The following CYP27C1 variants were observed in gnomAD, a reference collection of about 807,000 sequenced individuals.
CYP27C1 encodes cytochrome P450 27C1.
CYP27C1 carries 29 observed loss-of-function variants against 40.6 expected under a neutral mutation model. The ratio of observed to expected loss-of-function variants is 0.71; its 90% CI spans 0.53 to 0.97. The LOEUF is 0.97. Ranked by LOEUF, CYP27C1 falls within the 50% of genes least tolerant of loss-of-function variation. The pLI, the probability that CYP27C1 is intolerant of heterozygous loss-of-function variation, is 0.00. For synonymous variants in CYP27C1, 198 were observed against 186.8 expected (o/e 1.06, Z -0.49); for missense variants, 390 against 485.8 (o/e 0.80, Z 1.85).
intron 8 of CYP27C1, among the ~76,000 whole-genome samples, chr2:127,192,721 G>A (rs1210792508): frequency 3.7e-5 from 2 of 54,286 alleles, no homozygotes; most frequent in Non-Finnish European, 7.8e-5. Context: ...ACAGGGCCTC[G>A]CTTAGACCTC....
rs976015950 is a variant in CYP27C1, at chr2:127,209,804, C to T, written c.283-3714G>A. 2.6e-5 allele frequency among the ~76,000 whole-genome samples: 4 copies of T among 151,820 alleles called. No homozygotes were observed. Among genetic ancestry groups the T allele is most frequent in the Non-Finnish European group, 5.9e-5 (4 of 67,972 alleles). On this transcript the variant is annotated intron_variant, in intron 1 of 8. Transcript: ENST00000664447. This position sits in a 1 kb window ranked among gnomAD's most constrained non-coding sequence, Gnocchi z 4.1. ...ACCTTACTGAAATAAGACATGCAGA[C>T]AAGAATAGAGAAAAAAGAATGAAAA...
intron 6 of CYP27C1, among the ~76,000 whole-genome samples, chr2:127,194,256 T>G (rs1475469126): frequency 2.0e-5 from 3 of 152,208 alleles, no homozygotes; most frequent in African/African-American, 7.2e-5. Context: ...ACTTCGGCGA[T>G]CGGATTATCT....
rs1682615871 is a variant in CYP27C1, at chr2:127,185,988, T to C, written c.*1283A>G. 6.6e-6 allele frequency: 1 copy of C among 152,224 alleles called. No individual in the cohort carries two copies. The allele number at this position is 152,224 out of a possible 1,614,324, so 9.4% of individuals were successfully genotyped here. On this transcript the variant is annotated 3_prime_UTR_variant, in exon 9 of 9. Coordinates refer to ENST00000664447, the MANE Select transcript of CYP27C1 (RefSeq NM_001367502.1). This position sits in a 1 kb window ranked among gnomAD's most constrained non-coding sequence, Gnocchi z 4.9. ...ACACAACTGGGTGAGGGTTCTTGTG[T>C]GGATATTTAAAACAACACCATCAAG...
intron 8 of CYP27C1, among the ~76,000 whole-genome samples, chr2:127,189,305 C>T (rs1431495495): frequency 6.6e-6 from 1 of 151,946 alleles, no homozygotes; most frequent in East Asian, 1.9e-4. Flanking sequence ...TGAAAGCTGT[C>T]CCTTTCCTTC....
At chr2:127,202,743 GTT>G (rs558081094) in intron 3 of CYP27C1, among the ~76,000 whole-genome samples, 1 of 144,434 alleles carries the variant, frequency 6.9e-6, no homozygotes, top group African/African-American at 2.5e-5. Context: ...CAAACAAAAT[GTT>G]TTTTTTTTTT....
intron 5 of CYP27C1, 85 bp downstream of exon 5, chr2:127,199,291 C>T (rs1682974886): frequency 5.2e-6 from 8 of 1,535,822 alleles, no homozygotes; most frequent in Non-Finnish European, 5.3e-6. Flanking sequence ...CATCCTCCCG[C>T]TCCAAAAAAG....
At position 127,209,940 on chromosome 2, in the gene CYP27C1, C is replaced by T. The variant is rs1307309686; in HGVS notation, c.283-3850G>A. Among the ~76,000 whole-genome samples the T allele has an allele frequency of 2.6e-5, 4 of 152,212 alleles. No individual in the cohort carries two copies. The highest frequency in any genetic ancestry group is 9.7e-5 in the African/African-American group (4 of 41,440). On this transcript the variant is annotated intron_variant, in intron 1 of 8. Transcript: ENST00000664447. The surrounding 1 kb of genome is among the most constrained non-coding windows in gnomAD (Gnocchi z 4.1). Reference sequence around the variant, plus strand: ...GAATGGAAACAAGCTGGAAAACACACTTCATGATATTATCAAGGAGAACTT... The same window carrying T: ...GAATGGAAACAAGCTGGAAAACACATTTCATGATATTATCAAGGAGAACTT...
rs1454704753 is a variant in CYP27C1, at chr2:127,187,178, C to T, written c.*93G>A. On this transcript the variant is annotated 3_prime_UTR_variant, in exon 9 of 9. Coordinates refer to ENST00000664447, the MANE Select transcript of CYP27C1 (RefSeq NM_001367502.1). Reference sequence around the variant, plus strand: ...ATAACAAGACAGCCTTTAGCGACATCGCTTTCCTTCTCCACGGTGATCAGC... The same window carrying T: ...ATAACAAGACAGCCTTTAGCGACATTGCTTTCCTTCTCCACGGTGATCAGC... 1.2e-5 allele frequency: 12 copies of T among 1,033,182 alleles called. No homozygotes were observed. Among genetic ancestry groups the T allele is most frequent in the Admixed American group, 1.9e-5 (1 of 51,592 alleles). 64.0% of individuals were successfully genotyped at this position (1,033,182 alleles called of 1,614,324 possible). A position where few individuals can be genotyped will look rare whatever the true frequency, so the allele number is the denominator to read the frequency against.
intron 1 of CYP27C1, among the ~76,000 whole-genome samples, chr2:127,213,394 C>CA (rs1683370418): frequency 6.6e-6 from 1 of 152,066 alleles, no homozygotes; most frequent in East Asian, 1.9e-4. Context: ...CTGGAAGCAT[C>CA]ACGATACCTG....
intron 8 of CYP27C1, among the ~76,000 whole-genome samples, chr2:127,189,797 T>G (rs1347749945): frequency 6.6e-6 from 1 of 152,236 alleles, no homozygotes; most frequent in African/African-American, 2.4e-5. Flanking sequence ...CTTGCATTCC[T>G]GAATACACCT....
intron 1 of CYP27C1, among the ~76,000 whole-genome samples, chr2:127,215,488 C>T (rs1169403788): frequency 6.6e-6 from 1 of 151,894 alleles, no homozygotes; most frequent in Non-Finnish European, 1.5e-5. Context: ...AGATATGATC[C>T]CTAAAGTGCA....
In CYP27C1 at chr2:127,218,073, C is replaced by G. The variant is rs1683468482; in HGVS notation, c.282+1916G>C. On this transcript the variant is annotated intron_variant, in intron 1 of 8. Transcript: ENST00000664447. This position sits in a 1 kb window ranked among gnomAD's most constrained non-coding sequence, Gnocchi z 6.0. ...GTGAGTCAGTTGTGACTCTCTGCTC[C>G]GTGCCCCAGGGCCCTGGGTGTGGTG... is the stretch of plus-strand genomic sequence containing the variant. Among the ~76,000 whole-genome samples the G allele has an allele frequency of 6.6e-6, 1 of 152,138 alleles. No homozygotes were observed. Among genetic ancestry groups the G allele is most frequent in the Non-Finnish European group, 1.5e-5 (1 of 68,022 alleles).
intron 6 of CYP27C1, among the ~76,000 whole-genome samples, chr2:127,194,178 C>T (rs572388304): frequency 1.1e-4 from 16 of 152,234 alleles, no homozygotes; most frequent in South Asian, 4.2e-4. Flanking sequence ...TATGTGACCA[C>T]GGGACCACTT....
Position 127,205,893 on chromosome 2 carries a change from T to G in CYP27C1, c.473+7A>C. On this transcript the variant is annotated splice_region_variant and intron_variant, in intron 2 of 8. Coordinates refer to ENST00000664447, the MANE Select transcript of CYP27C1 (RefSeq NM_001367502.1). ...GCCCGTGGCTCAGCCCGGGCCCACA[T>G]ACTCACGCCGAGATGAGCCCGGTGG... is the stretch of plus-strand genomic sequence containing the variant. The G allele has an allele frequency of 3.1e-6, 1 of 319,244 alleles. No homozygotes were observed. The highest frequency in any genetic ancestry group is 4.5e-6 in the Non-Finnish European group (1 of 220,616). The allele number at this position is 319,244 out of a possible 1,614,324, so 19.8% of individuals were successfully genotyped here.
Position 127,195,356 on chromosome 2 carries a change from G to C in CYP27C1, c.1193C>G (p.Ala398Gly). ...ADVPKVPLVR[A>G]LLKETLRLFP... ...TTACCTCAGGGTTTCCTTAAGGAGAGCTCTGACCAGCGGGACCTTGGGGAC... is the reference window on the plus strand; with the variant it reads ...TTACCTCAGGGTTTCCTTAAGGAGACCTCTGACCAGCGGGACCTTGGGGAC... Residue 398 changes from alanine to glycine, a missense_variant, in exon 6 of 9, where the codon GCT becomes GGT. Coordinates refer to ENST00000664447, the MANE Select transcript of CYP27C1 (RefSeq NM_001367502.1). The surrounding 1 kb of genome is among the most constrained non-coding windows in gnomAD (Gnocchi z 6.2). 6.2e-7 allele frequency: 1 copy of C among 1,614,170 alleles called. No individual in the cohort carries two copies. The highest frequency in any genetic ancestry group is 2.2e-5 in the East Asian group (1 of 44,878).
intron 5 of CYP27C1, among the ~76,000 whole-genome samples, chr2:127,197,442 C>T (rs145127135): frequency 6.6e-6 from 1 of 152,084 alleles, no homozygotes; most frequent in African/African-American, 2.4e-5. Context: ...CTGTGCGGGG[C>T]GTGCCTTATT....
At chr2:127,211,369 GTTTTTTTTTTTTTTTTT>G (rs371826841) in intron 1 of CYP27C1, among the ~76,000 whole-genome samples, 2,190 of 95,000 alleles carry the variant, frequency 0.023, 43 homozygotes, top group Non-Finnish European at 0.03. Flanking sequence ...GTGTTTTTTT[GTTTTTTTTTTTTTTTTT>G]TTTTTTTTTT....
In CYP27C1 at chr2:127,195,774, G is replaced by A. The variant is rs1682889470; in HGVS notation, c.1048-273C>T. ...TGTCATGAAGAGCCACAGGAAAAAT[G>A]ATCCTGGAGCTTTTTTTAATCACTG... On this transcript the variant is annotated intron_variant, in intron 5 of 8. Transcript: ENST00000664447. The surrounding 1 kb of genome is among the most constrained non-coding windows in gnomAD (Gnocchi z 6.2). 6.6e-6 allele frequency among the ~76,000 whole-genome samples: 1 copy of A among 152,230 alleles called. No individual in the cohort carries two copies. Among genetic ancestry groups the A allele is most frequent in the Non-Finnish European group, 1.5e-5 (1 of 68,044 alleles).
chr2:127,203,559 C>T lies in CYP27C1; in HGVS notation c.486G>A (p.Gln162=). The change falls in exon 3 of 9, where the codon CAG becomes CAA. Residue 162 remains glutamine (Q), a synonymous_variant. Coordinates refer to ENST00000664447, the MANE Select transcript of CYP27C1 (RefSeq NM_001367502.1). Reference sequence around the variant, plus strand: ...TCAATACGCTTCTCATCTTGAGCCACTGTTCACCCTCCCTAGAAGAATCAA... The same window carrying T: ...TCAATACGCTTCTCATCTTGAGCCATTGTTCACCCTCCCTAGAAGAATCAA... ...ATGLISAEGE[Q]WLKMRSVLRQ... The T allele has an allele frequency of 6.2e-7, 1 of 1,613,550 alleles. No homozygotes were observed. The highest frequency in any genetic ancestry group is 1.1e-5 in the South Asian group (1 of 90,838).
Sources: gnomAD v4.1 joint callset for allele counts (sites outside exome capture counted in the v4.1 genomes callset) on GRCh38, gnomAD v4.1.1 for gene constraint, Gnocchi (gnomAD v3.1) non-coding constraint, MANE v1.5 for transcripts, NCBI Gene and HGNC (gene_info 2026-07-23, HGNC 2026-07-21) for gene names.